The following SQSTM1 variants were observed in gnomAD, a reference collection of about 807,000 sequenced individuals.
SQSTM1 encodes sequestosome-1.
SQSTM1 carries 36 observed loss-of-function variants against 45.1 expected under a neutral mutation model. The observed-to-expected ratio is 0.80, with a 90% CI of 0.61 to 1.05. SQSTM1 has a LOEUF of 1.05. Among genes scored for constraint, SQSTM1 ranks in the 50% least tolerant of loss-of-function variants. The pLI is 0.00. For missense variants in SQSTM1, 617 were observed against 607.1 expected (o/e 1.02, Z -0.17); for synonymous variants, 290 against 244.3 (o/e 1.19, Z -1.74).
intron 5 of SQSTM1, among the ~76,000 whole-genome samples, chr5:179,825,783 G>T (rs1757963160): frequency 6.6e-6 from 1 of 152,218 alleles, no homozygotes; most frequent in Non-Finnish European, 1.5e-5. Context: ...GGGTGAAGGT[G>T]CCACCTGACC....
At position 179,837,949 on chromosome 5, in the gene SQSTM1, C is replaced by T; in HGVS notation, c.*1356C>T. The T allele has an allele frequency of 6.7e-7, 1 of 1,497,802 alleles. No homozygotes were observed. The highest frequency in any genetic ancestry group is 1.9e-5 in the Admixed American group (1 of 53,922). 92.8% of individuals were successfully genotyped at this position (1,497,802 alleles called of 1,614,324 possible). ...CAATGCCAGGGCCCAGGAGGACCGCCTGCCCTGCCTGGGCCTTGGCTGGGC... is the reference window on the plus strand; with the variant it reads ...CAATGCCAGGGCCCAGGAGGACCGCTTGCCCTGCCTGGGCCTTGGCTGGGC... On this transcript the variant is annotated 3_prime_UTR_variant, in exon 8 of 8. Coordinates refer to ENST00000389805, the MANE Select transcript of SQSTM1 (RefSeq NM_003900.5).
rs1758609137 is a variant in SQSTM1 at position 179,837,139 on chromosome 5, A to G, written c.*546A>G. On this transcript the variant is annotated 3_prime_UTR_variant, in exon 8 of 8. Transcript: ENST00000389805. The stretch of plus-strand genomic sequence containing the variant: ...CTGAGAGCTGCCTCCTGGTCTCTTC[A>G]CCACTGTAGTTCTCTCATTTCCAAA... 1.5e-6 allele frequency: 2 copies of G among 1,303,532 alleles called. No individual in the cohort carries two copies. Among genetic ancestry groups the G allele is most frequent in the South Asian group, 1.3e-5 (1 of 79,506 alleles). 80.7% of individuals were successfully genotyped at this position (1,303,532 alleles called of 1,614,324 possible).
At chr5:179,818,677 C>T (rs1388527724), upstream of SQSTM1, among the ~76,000 whole-genome samples, 1 of 152,162 alleles carries the variant, frequency 6.6e-6, no homozygotes, top group Non-Finnish European at 1.5e-5. Context: ...CCTGCCCTGA[C>T]CCCCCAGCTT....
chr5:179,822,658 A>T (rs1044173214), intron 1 of SQSTM1: 1 of 409,804 alleles, frequency 2.4e-6, no homozygotes, highest in Admixed American at 3.6e-5. Context: ...CACGTTTCTG[A>T]AAAGGCAGCT....
intron 7 of SQSTM1, chr5:179,835,819 A>C (rs1052768472): frequency 6.0e-6 from 1 of 165,806 alleles, no homozygotes; most frequent in East Asian, 1.7e-4. Context: ...AGCTCCGTCC[A>C]AGTTGCTGCA....
chr5:179,823,404 C>T (rs887251196), intron 2 of SQSTM1, among the ~76,000 whole-genome samples: 2 of 118,542 alleles, frequency 1.7e-5, no homozygotes, highest in African/African-American at 6.7e-5. Context: ...GCGGAGGTTG[C>T]CATGAGCCGA....
rs866031883 is a variant in SQSTM1 at position 179,807,141 on chromosome 5, G to A, written c.-157+550G>A. Among the ~76,000 whole-genome samples, 23 of 151,806 alleles carry A rather than the reference G, an allele frequency of 1.5e-4. No individual in the cohort carries two copies. In the Middle Eastern group the frequency reaches 0.017, roughly 114 times the overall value. ...GGCCTCAGGTAAGGCTGGAGTGGGAGTGCAGGTCGACCGCAGCCGGGGCGG... is the reference window on the plus strand; with the variant it reads ...GGCCTCAGGTAAGGCTGGAGTGGGAATGCAGGTCGACCGCAGCCGGGGCGG... On this transcript the variant is annotated intron_variant, in intron 1 of 5. Coordinates refer to the SQSTM1 transcript ENST00000514093.
chr5:179,820,794 C>G, upstream of SQSTM1: 4 of 776,734 alleles, frequency 5.1e-6, no homozygotes, highest in Middle Eastern at 1.2e-3. Context: ...GCGGCTCTCG[C>G]GCCGCGACGA....
At chr5:179,834,245 G>A (rs1311357485) in intron 7 of SQSTM1, among the ~76,000 whole-genome samples, 1 of 89,718 alleles carries the variant, frequency 1.1e-5, no homozygotes, top group Non-Finnish European at 2.2e-5. Flanking sequence ...GTGGGGGGGT[G>A]GGGGGTGGGG....
intron 1 of SQSTM1, among the ~76,000 whole-genome samples, chr5:179,822,137 C>T (rs1161152462): frequency 6.6e-6 from 1 of 152,208 alleles, no homozygotes; most frequent in African/African-American, 2.4e-5. Flanking sequence ...CAGCAACCTC[C>T]TTTCTGTATC....
upstream of SQSTM1, chr5:179,820,534 A>C: frequency 1.2e-5 from 2 of 168,382 alleles, no homozygotes; most frequent in East Asian, 1.7e-4. Flanking sequence ...TGCACTGGGT[A>C]CCCCCAACTG....
chr5:179,817,550 C>T (rs1757622199), upstream of SQSTM1, among the ~76,000 whole-genome samples: 1 of 152,264 alleles, frequency 6.6e-6, no homozygotes, highest in Non-Finnish European at 1.5e-5. Flanking sequence ...GTCCCTGGGG[C>T]TCTCAGGCCT....
intron 5 of SQSTM1, among the ~76,000 whole-genome samples, chr5:179,828,708 A>G (rs1758100897): frequency 6.6e-6 from 1 of 152,218 alleles, no homozygotes; most frequent in African/African-American, 2.4e-5. Flanking sequence ...GTTGGGAAGA[A>G]TAAAGGAGAA....
intron 1 of SQSTM1, chr5:179,807,445 C>G (rs1056454990): frequency 2.6e-5 from 4 of 152,302 alleles, no homozygotes; most frequent in African/African-American, 9.7e-5. Context: ...TAGGCGGTAT[C>G]AGGGCCGATG....
At chr5:179,831,203 C>T (rs749692740) in intron 5 of SQSTM1, among the ~76,000 whole-genome samples, 26 of 152,224 alleles carry the variant, frequency 1.7e-4, no homozygotes, top group South Asian at 2.1e-4. Flanking sequence ...CATCACAGCG[C>T]AGCCTCTGCC....
At chr5:179,835,784 T>C (rs1710461519) in intron 7 of SQSTM1, 2 of 161,300 alleles carry the variant, frequency 1.2e-5, no homozygotes. Context: ...ATTCCTGAAT[T>C]ACTTTACTTA....
At position 179,837,167 on chromosome 5, in the gene SQSTM1, A is replaced by C. The variant is rs1286491810; in HGVS notation, c.*574A>C. ...ACTGTAGTTCTCTCATTTCCAAACC[A>C]TCAGCTGCTTTTAAAATAAGATCTC... is the stretch of plus-strand genomic sequence containing the variant. On this transcript the variant is annotated 3_prime_UTR_variant, in exon 8 of 8. Coordinates refer to ENST00000389805, the MANE Select transcript of SQSTM1 (RefSeq NM_003900.5). The C allele has an allele frequency of 1.3e-6, 2 of 1,482,130 alleles. No individual in the cohort carries two copies. Among genetic ancestry groups the C allele is most frequent in the Non-Finnish European group, 1.8e-6 (2 of 1,096,366 alleles). The allele number at this position is 1,482,130 out of a possible 1,614,324, so 91.8% of individuals were successfully genotyped here.
chr5:179,819,483 T>C (rs1430729912), upstream of SQSTM1, among the ~76,000 whole-genome samples: 1 of 152,370 alleles, frequency 6.6e-6, no homozygotes, highest in East Asian at 1.9e-4. Flanking sequence ...GCCACAGGCC[T>C]TCCTTGTGTC....
rs1561612380 is a variant in SQSTM1, at chr5:179,837,763, C to T, written c.*1170C>T. ...ATTTAGAGGATGTGGCTGTAACCTGCTGGATGGGACTCCATAGCTCCTTCC... is the reference window on the plus strand; with the variant it reads ...ATTTAGAGGATGTGGCTGTAACCTGTTGGATGGGACTCCATAGCTCCTTCC... On this transcript the variant is annotated 3_prime_UTR_variant, in exon 8 of 8. Transcript: ENST00000389805. 2 of 1,614,246 alleles carry T rather than the reference C, an allele frequency of 1.2e-6. No homozygotes were observed. The highest frequency in any genetic ancestry group is 4.5e-5 in the East Asian group (2 of 44,888).
Sources: gnomAD v4.1 joint callset for allele counts (sites outside exome capture counted in the v4.1 genomes callset) on GRCh38, gnomAD v4.1.1 for gene constraint, MANE v1.5 for transcripts, NCBI Gene and HGNC (gene_info 2026-07-23, HGNC 2026-07-21) for gene names.